FCHSD2: variants seen among roughly 807,000 people sequenced by gnomAD.
The protein encoded by FCHSD2 is FCH and double SH3 domains 2.
FCHSD2 carries 38 observed loss-of-function variants against 108.1 expected under a neutral mutation model. That is an observed-to-expected ratio of 0.35 (90% confidence interval 0.27 to 0.46). FCHSD2 has a LOEUF of 0.46. Among genes scored for constraint, FCHSD2 ranks in the 20% least tolerant of loss-of-function variants. FCHSD2 has a pLI of 1.00. For missense variants in FCHSD2, 751 were observed against 897.8 expected (o/e 0.84, Z 2.09); for synonymous variants, 279 against 314.7 (o/e 0.89, Z 1.20).
At chr11:73,125,180 A>C (rs1187231420) in intron 2 of FCHSD2, among the ~76,000 whole-genome samples, 1 of 152,260 alleles carries the variant, frequency 6.6e-6, no homozygotes, top group Non-Finnish European at 1.5e-5. Flanking sequence ...ATGGAAACTC[A>C]AACCTGTATG....
chr11:72,946,059 G>C (rs927990541), intron 8 of FCHSD2, among the ~76,000 whole-genome samples: 4 of 152,066 alleles, frequency 2.6e-5, no homozygotes, highest in African/African-American at 9.7e-5. Flanking sequence ...TATACTCAAA[G>C]GATTATAAAT....
chr11:72,905,486 C>T (rs888208388), intron 9 of FCHSD2, among the ~76,000 whole-genome samples: 4 of 152,134 alleles, frequency 2.6e-5, no homozygotes, highest in Admixed American at 6.5e-5. Context: ...ATAGGCACAA[C>T]GTGCAGGTTT....
chr11:72,948,449 AATAG>A (rs551321847), intron 8 of FCHSD2, among the ~76,000 whole-genome samples: 1 of 152,208 alleles, frequency 6.6e-6, no homozygotes, highest in Non-Finnish European at 1.5e-5. Context: ...CAAATATCAT[AATAG>A]ATATTTATTA....
At chr11:73,108,784 G>T (rs1289043633) in intron 2 of FCHSD2, among the ~76,000 whole-genome samples, 2 of 151,906 alleles carry the variant, frequency 1.3e-5, no homozygotes, top group Non-Finnish European at 2.9e-5. Context: ...TGTTAGCCAG[G>T]ATGGTCTCGA....
chr11:72,936,251 T>C (rs7926133), intron 8 of FCHSD2, among the ~76,000 whole-genome samples: 28,027 of 152,162 alleles, frequency 0.18, 3,006 homozygotes, highest in East Asian at 0.48. Context: ...TGTAAGCCTA[T>C]AGTAAGGAAT....
chr11:72,906,370 T>C (rs778485406), intron 9 of FCHSD2, among the ~76,000 whole-genome samples: 3 of 152,228 alleles, frequency 2.0e-5, no homozygotes, highest in Non-Finnish European at 4.4e-5. Flanking sequence ...TCCCATTCAG[T>C]AGGGTGCCTG....
chr11:72,982,360 T>C (rs1042816487), intron 8 of FCHSD2, among the ~76,000 whole-genome samples: 1 of 152,236 alleles, frequency 6.6e-6, no homozygotes, highest in African/African-American at 2.4e-5. Flanking sequence ...TGCATCCCCA[T>C]TCACAATTGC....
intron 3 of FCHSD2, among the ~76,000 whole-genome samples, chr11:73,023,225 GAAAAGACACTACAAAGAGAATA>G (rs1858149682): frequency 6.6e-6 from 1 of 151,940 alleles, no homozygotes; most frequent in South Asian, 2.1e-4. Flanking sequence ...CTTTCTTCTG[GAAAAGACACTACAAAGAGAATA>G]AAAAGACAAG....
intron 6 of FCHSD2, 33 bp downstream of exon 6, chr11:72,988,931 T>A (rs1322412474): frequency 6.4e-7 from 1 of 1,566,896 alleles, no homozygotes; most frequent in Non-Finnish European, 8.7e-7. Context: ...TTTATTTGCA[T>A]AATAATTTTC....
intron 9 of FCHSD2, among the ~76,000 whole-genome samples, chr11:72,916,041 C>G (rs187526925): frequency 3.2e-4 from 48 of 152,094 alleles, no homozygotes; most frequent in Non-Finnish European, 5.6e-4. Flanking sequence ...ACAACGCACA[C>G]TAGGGCCTAC....
chr11:73,138,916 G>A (rs1359459720), intron 2 of FCHSD2, among the ~76,000 whole-genome samples: 2 of 152,076 alleles, frequency 1.3e-5, no homozygotes, highest in Non-Finnish European at 2.9e-5. Context: ...CCTCGCATAG[G>A]AATTTTTAAG....
In FCHSD2 at chr11:73,080,022, G is replaced by A. The variant is rs887120986; in HGVS notation, c.165+3673C>T. Among the ~76,000 whole-genome samples the A allele has an allele frequency of 3.5e-4, 53 of 152,114 alleles. 1 individual carries two copies. In the South Asian group the frequency reaches 3.9e-3, roughly 11 times the overall value. ...ACATTTAAAGAAATTTTTCAGCCAG[G>A]CGCGGTAGCTCATGCCTCTAATCCC... On this transcript the variant is annotated intron_variant, in intron 3 of 19. Coordinates refer to ENST00000409418, the MANE Select transcript of FCHSD2 (RefSeq NM_014824.3).
intron 10 of FCHSD2, among the ~76,000 whole-genome samples, chr11:72,901,831 CAT>C (rs964544045): frequency 6.6e-5 from 10 of 152,112 alleles, no homozygotes; most frequent in African/African-American, 2.2e-4. Context: ...ATTTCATACA[CAT>C]GTTCATTATT....
At chr11:72,960,894 C>T (rs1856807480) in intron 8 of FCHSD2, among the ~76,000 whole-genome samples, 1 of 152,140 alleles carries the variant, frequency 6.6e-6, no homozygotes, top group Admixed American at 6.5e-5. Context: ...GGGGTGAAGA[C>T]AGAGAAAGTA....
intron 3 of FCHSD2, among the ~76,000 whole-genome samples, chr11:73,030,416 C>T (rs1858331485): frequency 1.3e-5 from 2 of 151,916 alleles, no homozygotes; most frequent in South Asian, 2.1e-4. Context: ...CTCAATTTAC[C>T]ATACATAAAT....
chr11:72,859,744 T>G (rs536534966), intron 13 of FCHSD2, among the ~76,000 whole-genome samples: 2 of 152,296 alleles, frequency 1.3e-5, no homozygotes, highest in East Asian at 3.9e-4. Flanking sequence ...AGTACATATA[T>G]GTGAAGAAAT....
intron 14 of FCHSD2, among the ~76,000 whole-genome samples, chr11:72,845,051 C>T (rs567641221): frequency 2.0e-5 from 3 of 152,258 alleles, no homozygotes; most frequent in East Asian, 1.9e-4. Context: ...AAAGTATCAA[C>T]ACGACCAGAC....
At chr11:73,046,836 GC>G (rs1858779148) in intron 3 of FCHSD2, among the ~76,000 whole-genome samples, 1 of 152,018 alleles carries the variant, frequency 6.6e-6, no homozygotes, top group East Asian at 1.9e-4. Context: ...TCCTACCTCT[GC>G]CTCCCAAAAT....
chr11:73,040,424 TTGTA>T (rs1858607076), intron 3 of FCHSD2, among the ~76,000 whole-genome samples: 1 of 152,182 alleles, frequency 6.6e-6, no homozygotes, highest in Non-Finnish European at 1.5e-5. Context: ...AGATACACAT[TTGTA>T]TGTGTCTGGT....
Sources: allele counts gnomAD v4.1 joint callset (sites outside exome capture counted in the v4.1 genomes callset), GRCh38; gene constraint gnomAD v4.1.1; transcripts MANE v1.5; gene names NCBI Gene and HGNC (gene_info 2026-07-23, HGNC 2026-07-21).